HHLA2: variants seen among roughly 807,000 people sequenced by gnomAD.
The protein encoded by HHLA2 is HHLA2 member of B7 family.
HHLA2 carries 48 observed loss-of-function variants against 45.9 expected under a neutral mutation model. That is an observed-to-expected ratio of 1.05 (90% CI 0.83 to 1.33). HHLA2 has a LOEUF of 1.33. Ranked by LOEUF, HHLA2 falls within the 40% of genes most tolerant of loss-of-function variation. The pLI is 0.00. For synonymous variants in HHLA2, 161 were observed against 173.9 expected (o/e 0.93, Z 0.59); for missense variants, 462 against 494.3 (o/e 0.93, Z 0.62).
chr3:108,346,867 G>A (rs923987344), intron 3 of HHLA2, among the ~76,000 whole-genome samples: 1 of 152,154 alleles, frequency 6.6e-6, no homozygotes, highest in Non-Finnish European at 1.5e-5. Context: ...GGGTATGGGG[G>A]AGCTGTTCTG....
intron 2 of HHLA2, among the ~76,000 whole-genome samples, chr3:108,313,486 C>A (rs915579192): frequency 1.2e-4 from 18 of 152,172 alleles, no homozygotes; most frequent in African/African-American, 4.3e-4. Flanking sequence ...ACGGATATTA[C>A]CTCCTCTCTT....
chr3:108,344,086 A>G (rs1448745795), intron 3 of HHLA2, among the ~76,000 whole-genome samples: 3 of 152,170 alleles, frequency 2.0e-5, no homozygotes, highest in East Asian at 1.9e-4. Context: ...AAGTTATTCA[A>G]ATTATACACT....
chr3:108,321,702 T>C (rs2107346874), intron 2 of HHLA2, among the ~76,000 whole-genome samples: 1 of 152,282 alleles, frequency 6.6e-6, no homozygotes, highest in Non-Finnish European at 1.5e-5. Context: ...TTTATTATTC[T>C]GGAAAATTTT....
intron 3 of HHLA2, among the ~76,000 whole-genome samples, chr3:108,332,010 T>C (rs1465945025): frequency 1.3e-5 from 2 of 152,144 alleles, no homozygotes. Flanking sequence ...GTTGACAGAT[T>C]TCATGAAAGA....
chr3:108,301,341 A>G (rs1368819970), intron 1 of HHLA2, among the ~76,000 whole-genome samples: 1 of 152,142 alleles, frequency 6.6e-6, no homozygotes, highest in African/African-American at 2.4e-5. Flanking sequence ...TGTGAATTCC[A>G]GAGACGTGAC....
At chr3:108,313,522 G>A (rs569476861) in intron 2 of HHLA2, among the ~76,000 whole-genome samples, 2 of 152,184 alleles carry the variant, frequency 1.3e-5, no homozygotes, top group Middle Eastern at 3.2e-3. Flanking sequence ...CATGTGTTGT[G>A]GGGGTGCTGA....
At chr3:108,330,328 G>C (rs1324327337) in intron 3 of HHLA2, among the ~76,000 whole-genome samples, 1 of 152,156 alleles carries the variant, frequency 6.6e-6, no homozygotes, top group Non-Finnish European at 1.5e-5. Context: ...AGAACTCTAA[G>C]GTGGCCCCCA....
chr3:108,371,453 A>G (rs2107509826), intron 8 of HHLA2, among the ~76,000 whole-genome samples: 1 of 152,344 alleles, frequency 6.6e-6, no homozygotes, highest in Admixed American at 6.5e-5. Flanking sequence ...TCATAATGAC[A>G]GGATCAAATT....
chr3:108,363,109 T>C lies in HHLA2; in HGVS notation c.1108+663T>C, dbSNP rs562395534. Among the ~76,000 whole-genome samples, 37 of 152,324 alleles carry C rather than the reference T, an allele frequency of 2.4e-4. 1 individual carries two copies. The South Asian group carries it at 7.5e-3, about 31-fold the overall frequency. On this transcript the variant is annotated intron_variant, in intron 8 of 10. Transcript: ENST00000619531. ...AAAATCTTACCAGTAATTTAAAATATCTTAAGATGCCATGATCATGGGAAG... is the reference window on the plus strand; with the variant it reads ...AAAATCTTACCAGTAATTTAAAATACCTTAAGATGCCATGATCATGGGAAG...
At chr3:108,357,735 C>A in intron 6 of HHLA2, 109 bp from the exon 6 acceptor site, 4 of 882,618 alleles carry the variant, frequency 4.5e-6, no homozygotes, top group Non-Finnish European at 1.7e-6. Context: ...AAGTTATTTC[C>A]AAATATATCA....
intron 2 of HHLA2, among the ~76,000 whole-genome samples, chr3:108,321,205 A>C (rs906835366): frequency 6.6e-6 from 1 of 151,448 alleles, no homozygotes; most frequent in African/African-American, 2.4e-5. Context: ...GATTCCAGCT[A>C]GCATTTTGGA....
intron 8 of HHLA2, among the ~76,000 whole-genome samples, chr3:108,374,923 G>A (rs1255818008): frequency 4.7e-5 from 7 of 149,104 alleles, no homozygotes; most frequent in Non-Finnish European, 8.9e-5. Flanking sequence ...TCAGTGTGGC[G>A]ATTCCTCGGG....
chr3:108,374,524 C>T (rs1452352723), intron 8 of HHLA2, among the ~76,000 whole-genome samples: 1 of 150,208 alleles, frequency 6.7e-6, no homozygotes, highest in East Asian at 1.9e-4. Context: ...AAAGAAACTA[C>T]CATCAGAGTG....
intron 2 of HHLA2, among the ~76,000 whole-genome samples, chr3:108,324,196 G>A (rs1403524108): frequency 6.6e-6 from 1 of 152,078 alleles, no homozygotes; most frequent in Non-Finnish European, 1.5e-5. Flanking sequence ...AAATACCAGA[G>A]TCCTAGTCTC....
intron 8 of HHLA2, among the ~76,000 whole-genome samples, chr3:108,366,706 A>C (rs1388651961): frequency 2.0e-5 from 3 of 151,830 alleles, no homozygotes; most frequent in Non-Finnish European, 4.4e-5. Flanking sequence ...TAGTCTTAGG[A>C]GGGTGTCCGG....
chr3:108,368,534 GC>G (rs2082106781), intron 8 of HHLA2, among the ~76,000 whole-genome samples: 2 of 12,054 alleles, frequency 1.7e-4, no homozygotes, highest in Non-Finnish European at 2.8e-4. Context: ...CAAACGAAGA[GC>G]AAAAAAAAAA....
intron 2 of HHLA2, among the ~76,000 whole-genome samples, chr3:108,325,045 A>G (rs2081264308): frequency 6.6e-6 from 1 of 152,140 alleles, no homozygotes; most frequent in Non-Finnish European, 1.5e-5. Flanking sequence ...TTAAGCCATT[A>G]TTAGGTACTT....
At chr3:108,371,692 C>T (rs1241684827) in intron 8 of HHLA2, among the ~76,000 whole-genome samples, 2 of 152,168 alleles carry the variant, frequency 1.3e-5, no homozygotes, top group Non-Finnish European at 2.9e-5. Context: ...TCTGATAAAA[C>T]AGACTTTAAA....
At chr3:108,356,238 G>T (rs1043893585) in intron 6 of HHLA2, among the ~76,000 whole-genome samples, 1 of 151,846 alleles carries the variant, frequency 6.6e-6, no homozygotes, top group African/African-American at 2.4e-5. Context: ...CACCATGTTG[G>T]TCAGGCTGGT....
Sources: allele counts gnomAD v4.1 joint callset (sites outside exome capture counted in the v4.1 genomes callset), GRCh38; gene constraint gnomAD v4.1.1; transcripts MANE v1.5; gene names NCBI Gene and HGNC (gene_info 2026-07-23, HGNC 2026-07-21).